Variants in GPAM observed in about 807,000 individuals in gnomAD.
GPAM encodes the protein glycerol-3-phosphate acyltransferase 1, mitochondrial.
GPAM carries 56 observed loss-of-function variants against 105.0 expected under a neutral mutation model. That is an observed-to-expected ratio of 0.53 (90% CI 0.43 to 0.67). The LOEUF (loss-of-function observed/expected upper bound fraction) is 0.67, where lower values mean the gene tolerates loss of function less well. GPAM is among the 30% of genes least tolerant of loss of function. The pLI is 0.00. For synonymous variants in GPAM, 368 were observed against 354.4 expected (o/e 1.04, Z -0.43); for missense variants, 855 against 989.8 (o/e 0.86, Z 1.83).
intron 14 of GPAM, among the ~76,000 whole-genome samples, chr10:112,162,545 C>T (rs1037403447): frequency 4.6e-5 from 7 of 151,984 alleles, no homozygotes; most frequent in Admixed American, 2.6e-4. Flanking sequence ...TCTTAAATCA[C>T]GATAACATTT....
At chr10:112,168,559 A>G in intron 10 of GPAM, 35 bp from the exon 11 acceptor site, 1 of 1,350,998 alleles carries the variant, frequency 7.4e-7, no homozygotes, top group Non-Finnish European at 1.1e-6. Context: ...CATACATTCA[A>G]GACCACTCAA....
rs559477400 is a variant in GPAM at position 112,151,113 on chromosome 10, GTTTTTT to G, written c.*2431_*2436del. 1.4e-6 allele frequency: 1 copy of G among 740,400 alleles called. No individual in the cohort carries two copies. The highest frequency in any genetic ancestry group is 1.9e-5 in the African/African-American group (1 of 52,024). 45.9% of individuals were successfully genotyped at this position (740,400 alleles called of 1,614,324 possible). On this transcript the variant is annotated 3_prime_UTR_variant, in exon 22 of 22. Transcript: ENST00000348367. ...CTGCAGTTTCATGTTGTTTAATATT[GTTTTTT>G]TTTTTTAACTTGACCACAGTCTTCC...
chr10:112,167,031 A>G (rs1165971717), intron 11 of GPAM, among the ~76,000 whole-genome samples: 1 of 152,200 alleles, frequency 6.6e-6, no homozygotes, highest in African/African-American at 2.4e-5. Flanking sequence ...GACAGGACAT[A>G]TAACGGACAC....
chr10:112,209,681 C>G (rs1480885241), intron 1 of GPAM, among the ~76,000 whole-genome samples: 1 of 152,178 alleles, frequency 6.6e-6, no homozygotes, highest in Non-Finnish European at 1.5e-5. Flanking sequence ...TTTTCCCAGG[C>G]CCCTGTTCCT....
chr10:112,213,813 G>A (rs562360531), intron 1 of GPAM, among the ~76,000 whole-genome samples: 7 of 152,148 alleles, frequency 4.6e-5, no homozygotes, highest in Non-Finnish European at 8.8e-5. Flanking sequence ...CAGAGGTAGA[G>A]AAGGATGAGA....
intron 20 of GPAM, chr10:112,154,956 G>A (rs975851479): frequency 5.6e-6 from 3 of 534,116 alleles, no homozygotes; most frequent in African/African-American, 3.8e-5. Context: ...GAGAAATAGG[G>A]AGAACAGAGG....
rs1846954396 is a variant in GPAM, at chr10:112,153,351, T to C, written c.*199A>G. On this transcript the variant is annotated 3_prime_UTR_variant, in exon 22 of 22. Coordinates refer to ENST00000348367, the MANE Select transcript of GPAM (RefSeq NM_001244949.2). ...TAGAGGCTGAGGTCCCCCCAAGTGT[T>C]ATCTGCAGGCTGCTGTGTTGATGCA... 6.7e-7 allele frequency: 1 copy of C among 1,497,690 alleles called. No homozygotes were observed. The highest frequency in any genetic ancestry group is 2.4e-5 in the East Asian group (1 of 42,094). The allele number at this position is 1,497,690 out of a possible 1,614,324, so 92.8% of individuals were successfully genotyped here.
chr10:112,225,347 T>C, the GPAM span, among the ~76,000 whole-genome samples: 1 of 152,160 alleles, frequency 6.6e-6, no homozygotes, highest in Admixed American at 6.5e-5. Flanking sequence ...GTGGGGACCA[T>C]TGAGTCAAGT....
At chr10:112,170,489 G>A (rs868819074) in intron 9 of GPAM, among the ~76,000 whole-genome samples, 7 of 152,326 alleles carry the variant, frequency 4.6e-5, no homozygotes, top group South Asian at 2.1e-4. Context: ...TTATTAAGCA[G>A]TTCCAAGAAA....
At chr10:112,213,488 G>A (rs1171270950) in intron 1 of GPAM, among the ~76,000 whole-genome samples, 1 of 152,134 alleles carries the variant, frequency 6.6e-6, no homozygotes, top group African/African-American at 2.4e-5. Context: ...AGATTCCTAG[G>A]CTCTGGGGTC....
chr10:112,217,974 A>T (rs138211448), upstream of GPAM, among the ~76,000 whole-genome samples: 198 of 152,396 alleles, frequency 1.3e-3, 1 homozygote, highest in African/African-American at 4.5e-3. Flanking sequence ...AATGGCAATG[A>T]GGTCAACAAA....
intron 1 of GPAM, among the ~76,000 whole-genome samples, chr10:112,193,702 A>C (rs1204922373): frequency 6.6e-6 from 1 of 152,230 alleles, no homozygotes; most frequent in Non-Finnish European, 1.5e-5. Flanking sequence ...CTAGGCAAGA[A>C]CATGGTAGTT....
rs759297303 is a variant in GPAM at position 112,159,929 on chromosome 10, A to G, written c.1884T>C (p.Asn628=). 1.2e-5 allele frequency: 20 copies of G among 1,613,776 alleles called. No homozygotes were observed. The Admixed American group carries it at 2.5e-4, about 20-fold the overall frequency. The change falls in exon 17 of 22, where the codon AAT becomes AAC. Residue 628 remains asparagine, a synonymous_variant. Transcript: ENST00000348367. ...KAASLCYLLS[N]EGTISLPCQT... ...CACTCACCAGTGAGATGGTGCCTTC[A>G]TTGGAGAGAAGGTAGCACAGGCTGG... is the stretch of plus-strand genomic sequence containing the variant.
chr10:112,217,428 C>A (rs1369874952), upstream of GPAM, among the ~76,000 whole-genome samples: 5 of 151,170 alleles, frequency 3.3e-5, no homozygotes, highest in African/African-American at 1.2e-4. Flanking sequence ...GGGTGGTTTC[C>A]ACGTTTTGTT....
At chr10:112,160,579 GA>G (rs1430597011) in intron 16 of GPAM, 24 bp downstream of exon 16, 26 of 1,600,806 alleles carry the variant, frequency 1.6e-5, no homozygotes, top group Non-Finnish European at 2.1e-5. Flanking sequence ...GAAAATTACT[GA>G]AAATATTTCA....
upstream of GPAM, among the ~76,000 whole-genome samples, chr10:112,216,269 G>C (rs539177563): frequency 2.0e-5 from 3 of 152,190 alleles, no homozygotes; most frequent in Non-Finnish European, 4.4e-5. Flanking sequence ...TATTTATTTT[G>C]CATCTACTCT....
chr10:112,170,127 C>G (rs1404898051), intron 9 of GPAM, among the ~76,000 whole-genome samples: 1 of 152,160 alleles, frequency 6.6e-6, no homozygotes, highest in Non-Finnish European at 1.5e-5. Flanking sequence ...ATCCTCCCCA[C>G]CCCCATGGTC....
rs1847940400 is a variant in GPAM, at chr10:112,213,874, G to T, written n.210+1294C>A. ...TCCAGACTATGCTGGCAATGGCAAA[G>T]GGAGAAAATGTTCCAAAAGAGCAGA... On this transcript the variant is annotated intron_variant and non_coding_transcript_variant, in intron 1 of 3. Coordinates refer to the GPAM transcript ENST00000480130. Among the ~76,000 whole-genome samples, 2 of 152,182 alleles carry T rather than the reference G, an allele frequency of 1.3e-5. 1 individual carries two copies. Among genetic ancestry groups the T allele is most frequent in the South Asian group, 4.1e-4 (2 of 4,820 alleles).
Position 112,154,312 on chromosome 10 carries a change from T to C in GPAM, c.2370+317A>G, listed in dbSNP as rs368254286. ...AATCTGAAATCCAAAACATTTCTGGTCCCAACATTTTGGATAAGGGATATT... is the reference window on the plus strand; with the variant it reads ...AATCTGAAATCCAAAACATTTCTGGCCCCAACATTTTGGATAAGGGATATT... On this transcript the variant is annotated intron_variant, in intron 21 of 21. Coordinates refer to ENST00000348367, the MANE Select transcript of GPAM (RefSeq NM_001244949.2). 4.3e-5 allele frequency: 16 copies of C among 376,272 alleles called. No individual in the cohort carries two copies. The East Asian group carries it at 8.0e-4, about 19-fold the overall frequency. 23.3% of individuals were successfully genotyped at this position (376,272 alleles called of 1,614,324 possible). A position where few individuals can be genotyped will look rare whatever the true frequency, so the allele number is the denominator to read the frequency against.
Sources: gnomAD v4.1 joint callset for allele counts (sites outside exome capture counted in the v4.1 genomes callset) on GRCh38, gnomAD v4.1.1 for gene constraint, MANE v1.5 for transcripts, NCBI Gene and HGNC (gene_info 2026-07-23, HGNC 2026-07-21) for gene names.